DLGAP1: variants seen among roughly 807,000 people sequenced by gnomAD.
DLGAP1 encodes the protein disks large-associated protein 1.
In DLGAP1, 11 loss-of-function variants were observed where a neutral mutation model predicts 90.8. The ratio of observed to expected loss-of-function variants is 0.12; its 90% CI spans 0.08 to 0.20. The LOEUF (loss-of-function observed/expected upper bound fraction) is 0.20, where lower values mean the gene tolerates loss of function less well. Ranked by LOEUF, DLGAP1 falls within the 10% of genes least tolerant of loss-of-function variation. The pLI is 1.00. For missense variants in DLGAP1, 1,050 were observed against 1,333.8 expected, an observed-to-expected ratio of 0.79 and a Z score of 3.31; for synonymous variants, 558 against 540.7, an observed-to-expected ratio of 1.03 and a Z score of -0.44.
chr18:3,760,707 A>G (rs1451292562), intron 5 of DLGAP1, among the ~76,000 whole-genome samples: 2 of 152,194 alleles, frequency 1.3e-5, no homozygotes, highest in Non-Finnish European at 2.9e-5. Flanking sequence ...AGTTTTATAA[A>G]AACAATCCTT....
chr18:4,072,522 T>G (rs1598350426), intron 2 of DLGAP1, among the ~76,000 whole-genome samples: 1 of 151,426 alleles, frequency 6.6e-6, no homozygotes, highest in Non-Finnish European at 1.5e-5. Flanking sequence ...CAGGCTGGAG[T>G]GCAGTGGTGC....
chr18:4,248,035 C>A (rs748214451), intron 1 of DLGAP1, among the ~76,000 whole-genome samples: 2 of 151,856 alleles, frequency 1.3e-5, no homozygotes, highest in Non-Finnish European at 2.9e-5. Flanking sequence ...GCATTTGGTG[C>A]GAGAGATGAA....
chr18:3,557,761 T>C (rs1164747283), intron 9 of DLGAP1, among the ~76,000 whole-genome samples: 1 of 152,088 alleles, frequency 6.6e-6, no homozygotes, highest in Non-Finnish European at 1.5e-5. Context: ...ACCCTGTCTC[T>C]ACTAAAAATA....
At chr18:3,954,581 C>A (rs138552434) in intron 3 of DLGAP1, among the ~76,000 whole-genome samples, 2 of 152,124 alleles carry the variant, frequency 1.3e-5, no homozygotes, top group African/African-American at 4.8e-5. Flanking sequence ...CTCTCCAGTG[C>A]CACAGCATTG....
rs1401992920 is a variant in DLGAP1, at chr18:4,371,731, T to G, written c.-267+83275A>C. ...GTAAATATTTTGTATTTGGGATTAG[T>G]GTGAGGCAAAATGGTAAAAAGGCAA... is the stretch of plus-strand genomic sequence containing the variant. On this transcript the variant is annotated intron_variant, in intron 1 of 12. Transcript: ENST00000315677. 2.2e-5 allele frequency among the ~76,000 whole-genome samples: 3 copies of G among 137,594 alleles called. No homozygotes were observed. The South Asian group carries it at 7.8e-4, about 36-fold the overall frequency. The allele number at this position is 137,594 out of a possible 152,430, so 90.3% of individuals were successfully genotyped here.
intron 1 of DLGAP1, among the ~76,000 whole-genome samples, chr18:4,368,616 ATCTC>A (rs1344478475): frequency 3.4e-4 from 45 of 132,856 alleles, no homozygotes; most frequent in Admixed American, 5.8e-4. Context: ...ATTCTTTAAA[ATCTC>A]TCTCTCTCTC....
At chr18:4,079,708 AT>A (rs2075576895) in intron 2 of DLGAP1, among the ~76,000 whole-genome samples, 2 of 150,736 alleles carry the variant, frequency 1.3e-5, no homozygotes, top group African/African-American at 4.9e-5. Context: ...ATATATATAT[AT>A]ATATAAAAGA....
At chr18:4,317,321 T>A (rs927644391) in intron 1 of DLGAP1, among the ~76,000 whole-genome samples, 67 of 152,214 alleles carry the variant, frequency 4.4e-4, no homozygotes, top group African/African-American at 1.5e-3. Context: ...TTTCAAATGA[T>A]ATGTTCTGCT....
intron 1 of DLGAP1, among the ~76,000 whole-genome samples, chr18:4,157,035 A>C (rs934628714): frequency 2.0e-5 from 3 of 152,140 alleles, no homozygotes; most frequent in African/African-American, 7.2e-5. Context: ...AACAAATTTT[A>C]AACTAGAAAC....
At chr18:4,351,716 A>G (rs979968591) in intron 1 of DLGAP1, among the ~76,000 whole-genome samples, 1 of 152,222 alleles carries the variant, frequency 6.6e-6, no homozygotes, top group African/African-American at 2.4e-5. Flanking sequence ...GAGTTTCATC[A>G]TGAATAGCTT....
intron 1 of DLGAP1, among the ~76,000 whole-genome samples, chr18:4,246,495 G>T (rs1331992967): frequency 6.6e-6 from 1 of 152,142 alleles, no homozygotes; most frequent in Non-Finnish European, 1.5e-5. Context: ...ACTCAGCAGG[G>T]AACAGAATTG....
intron 10 of DLGAP1, among the ~76,000 whole-genome samples, chr18:3,523,213 A>G (rs1179739426): frequency 2.6e-5 from 4 of 151,834 alleles, no homozygotes; most frequent in Non-Finnish European, 5.9e-5. Context: ...TCTCTACTAA[A>G]AAATACAAAA....
chr18:3,909,956 A>G (rs1237845811), intron 3 of DLGAP1, among the ~76,000 whole-genome samples: 1 of 152,080 alleles, frequency 6.6e-6, no homozygotes, highest in African/African-American at 2.4e-5. Flanking sequence ...TCACACAGAA[A>G]AAACTGCAGC....
At chr18:4,093,680 T>A (rs1252682729) in intron 2 of DLGAP1, among the ~76,000 whole-genome samples, 1 of 152,198 alleles carries the variant, frequency 6.6e-6, no homozygotes, top group Admixed American at 6.5e-5. Context: ...TTTGTTTTTG[T>A]GTGTCTGTTA....
At chr18:3,541,650 T>C (rs1432070119) in intron 9 of DLGAP1, among the ~76,000 whole-genome samples, 2 of 152,214 alleles carry the variant, frequency 1.3e-5, no homozygotes, top group Non-Finnish European at 2.9e-5. Context: ...CTTTATGTTT[T>C]AATATCCTGC....
intron 2 of DLGAP1, among the ~76,000 whole-genome samples, chr18:4,077,991 A>G (rs1322444447): frequency 6.6e-6 from 1 of 152,190 alleles, no homozygotes; most frequent in Admixed American, 6.5e-5. Context: ...CTGGTGGAAT[A>G]TGGCCTAGAC....
At chr18:4,324,192 T>G (rs191295110) in intron 1 of DLGAP1, among the ~76,000 whole-genome samples, 2 of 151,808 alleles carry the variant, frequency 1.3e-5, no homozygotes. Flanking sequence ...ATGTTACCAC[T>G]GACCGCACAG....
At chr18:3,534,694 C>CAT in intron 9 of DLGAP1, 79 bp from the exon 10 acceptor site, 1 of 999,702 alleles carries the variant, frequency 1.0e-6, no homozygotes, top group Non-Finnish European at 1.4e-6. Context: ...TCCTTTCTTT[C>CAT]TTTTTTTTTT....
intron 9 of DLGAP1, among the ~76,000 whole-genome samples, chr18:3,544,118 G>A (rs756374715): frequency 4.6e-5 from 7 of 152,192 alleles, no homozygotes; most frequent in Non-Finnish European, 1.0e-4. Flanking sequence ...GGCCGGGCAC[G>A]GTGGCTCACG....
Sources: gnomAD v4.1 joint callset for allele counts (sites outside exome capture counted in the v4.1 genomes callset) on GRCh38, gnomAD v4.1.1 for gene constraint, MANE v1.5 for transcripts, NCBI Gene and HGNC (gene_info 2026-07-23, HGNC 2026-07-21) for gene names.